Variants in STK39 observed in about 807,000 individuals in gnomAD.
STK39 encodes the protein STE20/SPS1-related proline-alanine-rich protein kinase.
Under a neutral mutation model 77.8 loss-of-function variants are expected in STK39, and 20 were observed. That is an observed-to-expected ratio of 0.26 (90% CI 0.18 to 0.37). The LOEUF is 0.37. Ranked by LOEUF, STK39 falls within the 10% of genes least tolerant of loss-of-function variation. The probability of loss-of-function intolerance (pLI) is 1.00; values close to 1 mark genes in which losing one functional copy is unlikely to be tolerated. For synonymous variants in STK39, 246 were observed against 234.1 expected (o/e 1.05, Z -0.47); for missense variants, 479 against 656.5 (o/e 0.73, Z 2.95).
intron 14 of STK39, among the ~76,000 whole-genome samples, chr2:168,055,209 C>T (rs983352916): frequency 2.0e-5 from 3 of 152,106 alleles, no homozygotes; most frequent in Admixed American, 6.5e-5. Context: ...TACAAATAAC[C>T]CTATTTTATA....
intron 12 of STK39, among the ~76,000 whole-genome samples, chr2:168,069,156 G>A (rs756783473): frequency 6.6e-6 from 1 of 152,142 alleles, no homozygotes; most frequent in Non-Finnish European, 1.5e-5. Context: ...GGCCTCAGGT[G>A]ATCCACCCGC....
intron 5 of STK39, among the ~76,000 whole-genome samples, chr2:168,154,390 T>A (rs4668031): frequency 3.9e-5 from 6 of 152,078 alleles, no homozygotes; most frequent in Non-Finnish European, 5.9e-5. Context: ...TAATGACCAC[T>A]GGGGGCCTAG....
At chr2:168,131,729 G>C (rs1055472201) in intron 8 of STK39, among the ~76,000 whole-genome samples, 2 of 152,132 alleles carry the variant, frequency 1.3e-5, no homozygotes, top group Non-Finnish European at 2.9e-5. Context: ...CAACAGGTAG[G>C]CCATGAATCT....
At chr2:168,233,679 A>T (rs1475457922) in intron 1 of STK39, among the ~76,000 whole-genome samples, 1 of 152,184 alleles carries the variant, frequency 6.6e-6, no homozygotes, top group Non-Finnish European at 1.5e-5. Context: ...ACTGAAATTA[A>T]TTTTGGTACT....
At chr2:168,105,860 G>A (rs1474818881) in intron 10 of STK39, among the ~76,000 whole-genome samples, 2 of 152,224 alleles carry the variant, frequency 1.3e-5, no homozygotes, top group East Asian at 1.9e-4. Flanking sequence ...TGAAATTCAA[G>A]ATAAGAACTC....
At chr2:168,236,487 T>C (rs1690613243) in intron 1 of STK39, among the ~76,000 whole-genome samples, 1 of 152,244 alleles carries the variant, frequency 6.6e-6, no homozygotes, top group South Asian at 2.1e-4. Flanking sequence ...TGGCTTTTGT[T>C]GCCATTGCTT....
chr2:168,197,618 A>G (rs1312905586), intron 1 of STK39, among the ~76,000 whole-genome samples: 1 of 152,260 alleles, frequency 6.6e-6, no homozygotes, highest in East Asian at 1.9e-4. Flanking sequence ...CTGCCCTCCT[A>G]TAAAGAAATG....
At chr2:168,183,514 T>A (rs987550581) in intron 1 of STK39, among the ~76,000 whole-genome samples, 3 of 152,124 alleles carry the variant, frequency 2.0e-5, no homozygotes, top group African/African-American at 7.2e-5. Context: ...CTCCGAGATG[T>A]GTGCTTTTGT....
chr2:168,199,852 T>C lies in STK39; in HGVS notation c.209-17762A>G, dbSNP rs190648713. ...ATATCATGCAGATTTTCACATCTTTTGGCAAGGCTTACATTGAAAAAAGAG... is the reference window on the plus strand; with the variant it reads ...ATATCATGCAGATTTTCACATCTTTCGGCAAGGCTTACATTGAAAAAAGAG... On this transcript the variant is annotated intron_variant, in intron 1 of 17. Coordinates refer to ENST00000355999, the MANE Select transcript of STK39 (RefSeq NM_013233.3). Among the ~76,000 whole-genome samples the C allele has an allele frequency of 5.9e-5, 9 of 152,324 alleles. No individual in the cohort carries two copies. In the East Asian group the frequency reaches 1.7e-3, roughly 29 times the overall value.
intron 1 of STK39, among the ~76,000 whole-genome samples, chr2:168,183,131 T>C (rs932228141): frequency 2.0e-5 from 3 of 152,184 alleles, no homozygotes; most frequent in Admixed American, 1.3e-4. Context: ...ATCAGGGCTT[T>C]CCCACCCCAA....
Position 168,010,079 on chromosome 2 carries a change from C to G in STK39, c.1498+2555G>C, listed in dbSNP as rs112407508. Among the ~76,000 whole-genome samples the G allele has an allele frequency of 2.9e-3, 436 of 152,322 alleles. 1 individual carries two copies. Among genetic ancestry groups the G allele is most frequent in the African/African-American group, 1.0e-2 (415 of 41,582 alleles). ...CCTTTCCGTCAAGCTCTCTTATTTT[C>G]TGTGTTCCTAGCCACCTGCCAGGAT... On this transcript the variant is annotated intron_variant, in intron 16 of 17. Coordinates refer to ENST00000355999, the MANE Select transcript of STK39 (RefSeq NM_013233.3).
rs542338713 is a variant in STK39, at chr2:168,067,878, C to T, written c.1243-2497G>A. Among the ~76,000 whole-genome samples the T allele has an allele frequency of 1.5e-3, 225 of 152,184 alleles. 2 individuals carry two copies. Among genetic ancestry groups the T allele is most frequent in the African/African-American group, 5.2e-3 (215 of 41,518 alleles). Reference sequence around the variant, plus strand: ...TAGTCCGGTTTCATATTGCTATGAACAAATACCCAAGACTGGGTAATTTAT... The same window carrying T: ...TAGTCCGGTTTCATATTGCTATGAATAAATACCCAAGACTGGGTAATTTAT... On this transcript the variant is annotated intron_variant, in intron 12 of 17. Coordinates refer to ENST00000355999, the MANE Select transcript of STK39 (RefSeq NM_013233.3).
At chr2:168,102,427 C>T (rs1286923835) in intron 10 of STK39, among the ~76,000 whole-genome samples, 1 of 152,142 alleles carries the variant, frequency 6.6e-6, no homozygotes, top group Admixed American at 6.5e-5. Context: ...AAAAACCAAT[C>T]CGTATTCCTG....
chr2:167,964,112 T>C (rs1692078971), intron 17 of STK39, among the ~76,000 whole-genome samples: 1 of 152,190 alleles, frequency 6.6e-6, no homozygotes, highest in Non-Finnish European at 1.5e-5. Flanking sequence ...TACAATCTAC[T>C]AGTGCAGAAT....
chr2:168,158,045 C>T (rs535832145), intron 5 of STK39, among the ~76,000 whole-genome samples: 1 of 152,278 alleles, frequency 6.6e-6, no homozygotes, highest in East Asian at 1.9e-4. Context: ...CAGGCTTAGT[C>T]ATTTGCCAAA....
At chr2:167,957,639 T>C (rs1360392640) in intron 17 of STK39, among the ~76,000 whole-genome samples, 5 of 152,208 alleles carry the variant, frequency 3.3e-5, no homozygotes, top group Admixed American at 3.3e-4. Context: ...CTATGGCTGC[T>C]GGTGGTGACA....
intron 9 of STK39, 33 bp downstream of exon 9, chr2:168,129,677 T>C (rs1185200618): frequency 7.4e-6 from 12 of 1,613,960 alleles, no homozygotes; most frequent in African/African-American, 2.7e-5. Flanking sequence ...ATTTCAAAAA[T>C]AGCAGATTTA....
chr2:168,243,145 G>A (rs1360997995), intron 1 of STK39, among the ~76,000 whole-genome samples: 2 of 152,234 alleles, frequency 1.3e-5, no homozygotes, highest in South Asian at 2.1e-4. Flanking sequence ...TTACCCTAGC[G>A]CCAGCGAAGG....
Position 167,955,373 on chromosome 2 carries a change from T to G in STK39, c.*123A>C. The G allele has an allele frequency of 1.1e-6, 1 of 937,394 alleles. No individual in the cohort carries two copies. Among genetic ancestry groups the G allele is most frequent in the Admixed American group, 2.8e-5 (1 of 35,896 alleles). 58.1% of individuals were successfully genotyped at this position (937,394 alleles called of 1,614,324 possible). On this transcript the variant is annotated 3_prime_UTR_variant, in exon 18 of 18. Transcript: ENST00000355999. ...TGTTGAAGCCGGCCTCTTCACAATC[T>G]TCTGATTTTGCTAGGAAATGGGAGT...
Sources: gnomAD v4.1 joint callset for allele counts (sites outside exome capture counted in the v4.1 genomes callset) on GRCh38, gnomAD v4.1.1 for gene constraint, MANE v1.5 for transcripts, NCBI Gene and HGNC (gene_info 2026-07-23, HGNC 2026-07-21) for gene names.